The following SCN11A variants were observed in gnomAD, a reference collection of about 807,000 sequenced individuals.
SCN11A encodes the protein sodium channel protein type 11 subunit alpha.
A neutral mutation model predicts 162.2 loss-of-function variants in SCN11A; 122 were observed. That is an observed-to-expected ratio of 0.75 (90% CI 0.65 to 0.87). SCN11A has a LOEUF of 0.87. Ranked by LOEUF, SCN11A falls within the 40% of genes least tolerant of loss-of-function variation. SCN11A has a pLI of 0.00. For missense variants in SCN11A, 2,015 were observed against 2,181.6 expected (o/e 0.92, Z 1.52); for synonymous variants, 758 against 751.5 (o/e 1.01, Z -0.14).
intron 7 of SCN11A, among the ~76,000 whole-genome samples, chr3:38,928,987 A>G (rs1403233443): frequency 6.6e-6 from 1 of 152,210 alleles, no homozygotes; most frequent in Non-Finnish European, 1.5e-5. Context: ...TTGCCTACCC[A>G]TGATCATAGC....
rs577843768 is a variant in SCN11A, at chr3:38,888,904, G to A, written c.2836-2666C>T. Among the ~76,000 whole-genome samples the A allele has an allele frequency of 8.5e-5, 13 of 152,162 alleles. No homozygotes were observed. In the South Asian group the frequency reaches 1.9e-3, roughly 22 times the overall value. On this transcript the variant is annotated intron_variant, in intron 19 of 29. Transcript: ENST00000302328. ...CCCTCTACCCTAGCTCTCAATCAAG[G>A]GATGTGGTGATGGGTGCACCAAAAT... is the stretch of plus-strand genomic sequence containing the variant.
rs756436762 is a variant in SCN11A at position 38,867,429 on chromosome 3, A to G, written c.3843T>C (p.Asn1281=). The G allele has an allele frequency of 1.2e-6, 2 of 1,612,926 alleles. No homozygotes were observed. Among genetic ancestry groups the G allele is most frequent in the South Asian group, 2.2e-5 (2 of 90,910 alleles). The change falls in exon 27 of 30, where the codon AAT becomes AAC. Residue 1281 remains asparagine (N), a synonymous_variant. Transcript: ENST00000302328. ...CTACGAAGTAAATGTAACCGAGTGAATTGCTCTCAAACTCTGGCTGTTGTT... is the reference window on the plus strand; with the variant it reads ...CTACGAAGTAAATGTAACCGAGTGAGTTGCTCTCAAACTCTGGCTGTTGTT... The part of the protein sequence containing the change: ...EKEQQPEFES[N]SLGYIYFVVF...
intron 23 of SCN11A, among the ~76,000 whole-genome samples, chr3:38,877,041 TG>T (rs2065220947): frequency 3.4e-5 from 1 of 29,606 alleles, no homozygotes; most frequent in East Asian, 1.1e-3. Flanking sequence ...GGTATATATA[TG>T]GTGTATATAC....
Position 38,985,320 on chromosome 3 carries a change from C to T in SCN11A, c.-279-24897G>A, listed in dbSNP as rs192344437. Among the ~76,000 whole-genome samples the T allele has an allele frequency of 4.5e-4, 68 of 150,146 alleles. 6 individuals carry two copies. The highest frequency in any genetic ancestry group is 1.6e-3 in the African/African-American group (64 of 39,812). On this transcript the variant is annotated intron_variant, in intron 2 of 29. Transcript: ENST00000302328. ...TTTTTTTTTGTATTTTTAGTAGAGA[C>T]GGGGTTTCACCGTGTTAGCCAGGAT...
intron 2 of SCN11A, among the ~76,000 whole-genome samples, chr3:38,991,343 C>T (rs187675209): frequency 1.3e-5 from 2 of 152,238 alleles, no homozygotes; most frequent in African/African-American, 4.8e-5. Context: ...TTCCTCCGCC[C>T]AGAGGGAGCT....
At chr3:39,045,906 CA>C (rs2032170509) in intron 1 of SCN11A, among the ~76,000 whole-genome samples, 1 of 152,000 alleles carries the variant, frequency 6.6e-6, no homozygotes, top group South Asian at 2.1e-4. Context: ...AAGACTTCAT[CA>C]AAAAATTCTC....
intron 26 of SCN11A, among the ~76,000 whole-genome samples, chr3:38,869,404 G>A (rs965340587): frequency 6.6e-6 from 1 of 151,872 alleles, no homozygotes; most frequent in Non-Finnish European, 1.5e-5. Flanking sequence ...ATAAAATTAT[G>A]TTGTATATAT....
intron 2 of SCN11A, among the ~76,000 whole-genome samples, chr3:38,974,734 G>GAA (rs1446700370): frequency 2.9e-4 from 40 of 138,040 alleles, no homozygotes; most frequent in Non-Finnish European, 3.6e-4. Flanking sequence ...GAAAAGAAAA[G>GAA]AAGGCCTAAT....
At chr3:38,863,350 C>T (rs2064995993) in intron 27 of SCN11A, 51 bp from the exon 28 acceptor site, 1 of 905,842 alleles carries the variant, frequency 1.1e-6, no homozygotes, top group Non-Finnish European at 1.7e-6. Context: ...TTTTTTTAAT[C>T]TAGTTCTGAA....
chr3:38,867,277 G>A (rs1324598268), intron 27 of SCN11A, 44 bp downstream of exon 27: 4 of 1,572,040 alleles, frequency 2.5e-6, no homozygotes, highest in Non-Finnish European at 3.5e-6. Flanking sequence ...TGCATTTGGA[G>A]GACAGAGATA....
intron 2 of SCN11A, among the ~76,000 whole-genome samples, chr3:39,032,076 CT>C (rs1373603988): frequency 6.6e-6 from 1 of 152,190 alleles, no homozygotes; most frequent in African/African-American, 2.4e-5. Flanking sequence ...TCATTTCCCC[CT>C]GTACTTCTAA....
chr3:39,040,509 T>G (rs2032023654), intron 1 of SCN11A, among the ~76,000 whole-genome samples: 1 of 152,058 alleles, frequency 6.6e-6, no homozygotes, highest in African/African-American at 2.4e-5. Flanking sequence ...AGGAACACAA[T>G]AATTCTCCAG....
At chr3:38,963,211 AG>A (rs2066753008) in intron 2 of SCN11A, among the ~76,000 whole-genome samples, 1 of 150,674 alleles carries the variant, frequency 6.6e-6, no homozygotes, top group Non-Finnish European at 1.5e-5. Context: ...ATCTACCCAG[AG>A]GAAAAGAAGT....
At chr3:38,871,911 C>G (rs2065133365) in intron 24 of SCN11A, among the ~76,000 whole-genome samples, 1 of 152,126 alleles carries the variant, frequency 6.6e-6, no homozygotes, top group African/African-American at 2.4e-5. Context: ...ACTGAGGATA[C>G]CTTGAGAAGT....
At chr3:39,012,320 C>T (rs1166262915) in intron 2 of SCN11A, among the ~76,000 whole-genome samples, 1 of 151,866 alleles carries the variant, frequency 6.6e-6, no homozygotes, top group Non-Finnish European at 1.5e-5. Flanking sequence ...AGTGAAACTC[C>T]ATCTCAAAAA....
intron 17 of SCN11A, among the ~76,000 whole-genome samples, chr3:38,898,141 C>T (rs928966607): frequency 8.6e-5 from 13 of 151,618 alleles, no homozygotes; most frequent in Non-Finnish European, 1.5e-4. Context: ...GGGAGGCTGA[C>T]GAGGGAGGAT....
At chr3:39,040,661 T>C (rs2032027804) in intron 1 of SCN11A, among the ~76,000 whole-genome samples, 1 of 152,084 alleles carries the variant, frequency 6.6e-6, no homozygotes, top group African/African-American at 2.4e-5. Flanking sequence ...AATGAGAAAT[T>C]CAACAAAGAA....
intron 19 of SCN11A, among the ~76,000 whole-genome samples, chr3:38,890,723 T>C (rs1282540503): frequency 6.6e-6 from 1 of 152,140 alleles, no homozygotes; most frequent in Non-Finnish European, 1.5e-5. Context: ...AACAGAGAGA[T>C]CACAAAAGGA....
chr3:38,981,032 GGTAGCAGAACAAACCCT>G (rs146339758), intron 2 of SCN11A, among the ~76,000 whole-genome samples: 5,409 of 152,244 alleles, frequency 0.036, 205 homozygotes, highest in East Asian at 0.18. Context: ...TCTGTTTGTC[GGTAGCAGAACAAACCCT>G]GTAATTGGTT....
Sources: allele counts gnomAD v4.1 joint callset (sites outside exome capture counted in the v4.1 genomes callset), GRCh38; gene constraint gnomAD v4.1.1; transcripts MANE v1.5; gene names NCBI Gene and HGNC (gene_info 2026-07-23, HGNC 2026-07-21).